Variants in OR6N1 observed in about 807,000 individuals in gnomAD.
OR6N1 encodes olfactory receptor 6N1.
For synonymous variants in OR6N1, 170 were observed against 150.7 expected, an observed-to-expected ratio of 1.13 and a Z score of -0.94; for missense variants, 394 against 371.7, an observed-to-expected ratio of 1.06 and a Z score of -0.49.
the OR6N1 span, among the ~76,000 whole-genome samples, chr1:158,802,581 CA>C: frequency 6.6e-6 from 1 of 152,094 alleles, no homozygotes; most frequent in African/African-American, 2.4e-5. Context: ...GGAGATTTCT[CA>C]TCCATCCCTA....
chr1:158,771,746 C>T (rs116137444), intron 1 of OR6N1, among the ~76,000 whole-genome samples: 126 of 152,228 alleles, frequency 8.3e-4, no homozygotes, highest in Non-Finnish European at 1.7e-3. Context: ...AAACAAACAA[C>T]AAAAACTGGG....
At chr1:158,794,005 G>T in the OR6N1 span, among the ~76,000 whole-genome samples, 13 of 152,154 alleles carry the variant, frequency 8.5e-5, no homozygotes, top group Admixed American at 7.9e-4. Flanking sequence ...GATTAGAAAG[G>T]CACTTCCTTT....
chr1:158,776,920 G>A (rs1372859026), upstream of OR6N1: 2 of 1,613,960 alleles, frequency 1.2e-6, no homozygotes, highest in African/African-American at 2.7e-5. Flanking sequence ...GGCACAGGTA[G>A]AAAAGGCCTT....
Position 158,765,124 on chromosome 1 carries a change from G to A in OR6N1, c.*620C>T, listed in dbSNP as rs1460141467. The A allele has an allele frequency of 6.6e-6, 1 of 152,072 alleles. No homozygotes were observed. Among genetic ancestry groups the A allele is most frequent in the African/African-American group, 2.4e-5 (1 of 41,398 alleles). The allele number at this position is 152,072 out of a possible 1,614,324, so 9.4% of individuals were successfully genotyped here. A position where few individuals can be genotyped will look rare whatever the true frequency, so the allele number is the denominator to read the frequency against. The stretch of plus-strand genomic sequence containing the variant: ...ACCTACATGTCAGACACTGTGCACT[G>A]TGGTTTACAAATCTTAACGTTAATA... On this transcript the variant is annotated 3_prime_UTR_variant, in exon 2 of 2. Transcript: ENST00000641846.
the OR6N1 span, among the ~76,000 whole-genome samples, chr1:158,834,405 G>A: frequency 6.6e-6 from 1 of 151,716 alleles, no homozygotes; most frequent in Admixed American, 6.6e-5. Flanking sequence ...GCTAATTTTT[G>A]TATTTTTAGT....
At chr1:158,787,107 T>C in the OR6N1 span, among the ~76,000 whole-genome samples, 1 of 152,066 alleles carries the variant, frequency 6.6e-6, no homozygotes, top group Admixed American at 6.6e-5. Flanking sequence ...GGGGGTGAAT[T>C]CCTCATGGCT....
At chr1:158,770,110 G>A (rs2102009679) in intron 1 of OR6N1, among the ~76,000 whole-genome samples, 1 of 152,128 alleles carries the variant, frequency 6.6e-6, no homozygotes, top group South Asian at 2.1e-4. Context: ...TCTAGACTGT[G>A]AGCCCTTAAC....
the OR6N1 span, among the ~76,000 whole-genome samples, chr1:158,789,061 AC>A: frequency 6.6e-6 from 1 of 152,064 alleles, no homozygotes; most frequent in Non-Finnish European, 1.5e-5. Context: ...CATGATATCC[AC>A]TTTTTTACCT....
the OR6N1 span, among the ~76,000 whole-genome samples, chr1:158,791,469 ATTTTTT>A: frequency 3.1e-5 from 4 of 127,374 alleles, no homozygotes; most frequent in Non-Finnish European, 6.7e-5. Flanking sequence ...TATGATTTTG[ATTTTTT>A]TTTTTTTTTT....
At chr1:158,774,971 CAT>C (rs773340423), upstream of OR6N1, 9 of 152,198 alleles carry the variant, frequency 5.9e-5, no homozygotes, top group South Asian at 2.1e-4. Context: ...AAATTCATCA[CAT>C]GTTTCATTCA....
chr1:158,771,414 T>A (rs1657421124), intron 1 of OR6N1, among the ~76,000 whole-genome samples: 1 of 152,182 alleles, frequency 6.6e-6, no homozygotes, highest in Non-Finnish European at 1.5e-5. Context: ...AGAGGGCAAT[T>A]GAGATGACTT....
chr1:158,823,454 A>C, the OR6N1 span, among the ~76,000 whole-genome samples: 1 of 152,094 alleles, frequency 6.6e-6, no homozygotes, highest in Non-Finnish European at 1.5e-5. Context: ...GTATGTGTCC[A>C]GGAATTTACC....
At chr1:158,807,633 T>G in the OR6N1 span, among the ~76,000 whole-genome samples, 2 of 152,220 alleles carry the variant, frequency 1.3e-5, no homozygotes, top group Admixed American at 1.3e-4. Flanking sequence ...CTGCTCATGG[T>G]GCGCTGATCT....
the OR6N1 span, among the ~76,000 whole-genome samples, chr1:158,797,727 A>C: frequency 0.12 from 17,606 of 152,134 alleles, 1,347 homozygotes; most frequent in Middle Eastern, 0.21. Context: ...TTAATGAATG[A>C]TATTATCATC....
At chr1:158,814,568 G>T in the OR6N1 span, among the ~76,000 whole-genome samples, 169 of 152,302 alleles carry the variant, frequency 1.1e-3, 2 homozygotes, top group Middle Eastern at 3.4e-3. Context: ...TGTCTGTTGA[G>T]AGTCTGCTTC....
the OR6N1 span, among the ~76,000 whole-genome samples, chr1:158,833,018 T>G: frequency 6.6e-6 from 1 of 152,140 alleles, no homozygotes; most frequent in Non-Finnish European, 1.5e-5. Context: ...ATCTATATTC[T>G]CCTTAAAGAC....
At chr1:158,839,984 T>C in the OR6N1 span, among the ~76,000 whole-genome samples, 5 of 152,182 alleles carry the variant, frequency 3.3e-5, no homozygotes, top group Non-Finnish European at 7.4e-5. Flanking sequence ...GTTTGAAAAA[T>C]ATTTTTGCTT....
the OR6N1 span, among the ~76,000 whole-genome samples, chr1:158,824,490 G>A: frequency 2.0e-5 from 3 of 152,114 alleles, no homozygotes; most frequent in African/African-American, 4.8e-5. Context: ...TCAGTTGTGC[G>A]TTTGATTTTA....
At position 158,765,971 on chromosome 1, in the gene OR6N1, T is replaced by TG. The variant is rs774911583; in HGVS notation, c.711dup (p.Ile238HisfsTer34). ...GTGAAGTGGGAGGCACACGTGGAGA[T>TG]GGCCTTCCTCTTGCCGGCAGCTGAG... is the stretch of plus-strand genomic sequence containing the variant. On this transcript the variant is annotated frameshift_variant, in exon 2 of 2. Coordinates refer to ENST00000641846, the MANE Select transcript of OR6N1 (RefSeq NM_001005185.2). LOFTEE classifies it low-confidence loss of function (END_TRUNC). 1 of 1,614,090 alleles carries TG rather than the reference T, an allele frequency of 6.2e-7. No individual in the cohort carries two copies. Among genetic ancestry groups the TG allele is most frequent in the South Asian group, 1.1e-5 (1 of 91,082 alleles).
Sources: allele counts gnomAD v4.1 joint callset (sites outside exome capture counted in the v4.1 genomes callset), GRCh38; gene constraint gnomAD v4.1.1; transcripts MANE v1.5; gene names NCBI Gene and HGNC (gene_info 2026-07-23, HGNC 2026-07-21).